The following PARP12 variants were observed in gnomAD, a reference collection of about 807,000 sequenced individuals.
PARP12 encodes the protein protein mono-ADP-ribosyltransferase PARP12.
Under a neutral mutation model 72.4 loss-of-function variants are expected in PARP12, and 59 were observed. The observed-to-expected ratio is 0.81, with a 90% CI of 0.66 to 1.01. The LOEUF (loss-of-function observed/expected upper bound fraction) is 1.01, where lower values mean the gene tolerates loss of function less well. Ranked by LOEUF, PARP12 falls within the 50% of genes least tolerant of loss-of-function variation. The pLI is 0.00. For missense variants in PARP12, 851 were observed against 914.0 expected, an observed-to-expected ratio of 0.93 and a Z score of 0.89; for synonymous variants, 403 against 371.4, an observed-to-expected ratio of 1.09 and a Z score of -0.98.
intron 2 of PARP12, 32 bp downstream of exon 2, chr7:140,057,867 G>A (rs772541733): frequency 5.6e-5 from 90 of 1,613,002 alleles, no homozygotes; most frequent in Non-Finnish European, 7.4e-5. Context: ...TCCCCAGGGA[G>A]CTGTGGAACC....
rs138130201 is a variant in PARP12, at chr7:140,027,981, T to C, written c.1498-575A>G. On this transcript the variant is annotated intron_variant, in intron 9 of 11. Transcript: ENST00000263549. Reference sequence around the variant, plus strand: ...CTTGCCTGCACTGTTGGCATCTGCATGTGCCTTATACAAGCTCAATAAGTC... The same window carrying C: ...CTTGCCTGCACTGTTGGCATCTGCACGTGCCTTATACAAGCTCAATAAGTC... Among the ~76,000 whole-genome samples, 1,444 of 152,328 alleles carry C rather than the reference T, an allele frequency of 9.5e-3. 10 individuals carry two copies. Among genetic ancestry groups the C allele is most frequent in the Non-Finnish European group, 0.015 (1,012 of 68,028 alleles).
At position 140,024,179 on chromosome 7, in the gene PARP12, GC is replaced by G; in HGVS notation, c.*380del. ...TGTGTCATTCTGGAAAAACTATGAT[GC>G]CATGAGACTCTGAGAAACCGAATCA... is the stretch of plus-strand genomic sequence containing the variant. On this transcript the variant is annotated 3_prime_UTR_variant, in exon 12 of 12. Transcript: ENST00000263549. 3.2e-6 allele frequency: 1 copy of G among 313,722 alleles called. No individual in the cohort carries two copies. The highest frequency in any genetic ancestry group is 6.2e-6 in the Non-Finnish European group (1 of 161,218). 19.4% of individuals were successfully genotyped at this position (313,722 alleles called of 1,614,324 possible).
At chr7:140,026,067 G>A (rs1815726741) in intron 11 of PARP12, 130 bp downstream of exon 11, 2 of 1,354,062 alleles carry the variant, frequency 1.5e-6, no homozygotes, top group South Asian at 1.2e-5. Context: ...GCTGTGCCCA[G>A]GTACCACCAC....
chr7:140,053,662 A>G (rs1327919193), intron 4 of PARP12, among the ~76,000 whole-genome samples: 2 of 152,162 alleles, frequency 1.3e-5, no homozygotes, highest in African/African-American at 2.4e-5. Context: ...TCCTTGACCT[A>G]TCATTCCATT....
rs576956564 is a variant in PARP12 at position 140,034,245 on chromosome 7, T to C, written c.1411A>G (p.Met471Val). 9.4e-5 allele frequency: 151 copies of C among 1,612,878 alleles called. 1 individual carries two copies. The South Asian group carries it at 1.6e-3, about 17-fold the overall frequency. ...CCCACTGCAACCTACCAGGTTTGCA[T>C]GGTCGTCACATCCTGGGGAGACACG... ...KYVSPQDVTTMQTCNTKFPGP... is the reference protein window; with the variant it reads ...KYVSPQDVTTVQTCNTKFPGP... The change falls in exon 8 of 12, where the codon ATG becomes GTG. Residue 471 changes from methionine (M) to valine (V), a missense_variant. This residue lies in a region of PARP12 where 347 missense variants were observed against 396.1 expected (regional missense o/e 0.88). Transcript: ENST00000263549.
intron 4 of PARP12, 36 bp downstream of exon 4, chr7:140,054,626 C>T: frequency 2.0e-6 from 3 of 1,509,212 alleles, no homozygotes; most frequent in Non-Finnish European, 2.8e-6. Flanking sequence ...AGTTACCCCT[C>T]CCACAAGTGG....
chr7:140,062,861 G>T lies in PARP12; in HGVS notation c.-14C>A. 7.8e-7 allele frequency: 1 copy of T among 1,279,750 alleles called. No individual in the cohort carries two copies. The highest frequency in any genetic ancestry group is 9.8e-7 in the Non-Finnish European group (1 of 1,015,732). The allele number at this position is 1,279,750 out of a possible 1,614,324, so 79.3% of individuals were successfully genotyped here. ...GGCCTGGGCCATGGCCGCTGGGCCTGCTCCCGTCGGACCGCGGGTGGCGCG... is the reference window on the plus strand; with the variant it reads ...GGCCTGGGCCATGGCCGCTGGGCCTTCTCCCGTCGGACCGCGGGTGGCGCG... On this transcript the variant is annotated 5_prime_UTR_variant, in exon 1 of 12. Coordinates refer to ENST00000263549, the MANE Select transcript of PARP12 (RefSeq NM_022750.4).
rs112070294 is a variant in PARP12 at position 140,057,827 on chromosome 7, A to C, written c.462+72T>G. The C allele has an allele frequency of 3.2e-5, 50 of 1,583,432 alleles. 1 individual carries two copies. Among genetic ancestry groups the C allele is most frequent in the African/African-American group, 3.1e-4 (23 of 74,412 alleles). On this transcript the variant is annotated intron_variant, in intron 2 of 11. Transcript: ENST00000263549. ...CCAAGGGCCCACCCATTCCACTCCCAGTCATTACATTTCCCAAGACACAGG... is the reference window on the plus strand; with the variant it reads ...CCAAGGGCCCACCCATTCCACTCCCCGTCATTACATTTCCCAAGACACAGG...
intron 8 of PARP12, chr7:140,028,991 T>C (rs1815840251): frequency 5.5e-6 from 1 of 183,482 alleles, no homozygotes; most frequent in East Asian, 1.7e-4. Context: ...CACACAGCCA[T>C]AAACCTTTAT....
Position 140,062,857 on chromosome 7 carries a change from G to A in PARP12, c.-10C>T, listed in dbSNP as rs979611077. On this transcript the variant is annotated 5_prime_UTR_variant, in exon 1 of 12. Coordinates refer to ENST00000263549, the MANE Select transcript of PARP12 (RefSeq NM_022750.4). ...CGCCGGCCTGGGCCATGGCCGCTGG[G>A]CCTGCTCCCGTCGGACCGCGGGTGG... is the stretch of plus-strand genomic sequence containing the variant. The A allele has an allele frequency of 2.3e-6, 3 of 1,295,744 alleles. No homozygotes were observed. The highest frequency in any genetic ancestry group is 3.1e-5 in the African/African-American group (2 of 64,146). The allele number at this position is 1,295,744 out of a possible 1,614,324, so 80.3% of individuals were successfully genotyped here.
At chr7:140,026,169 T>C (rs1012042936) in intron 11 of PARP12, 28 bp downstream of exon 11, 3 of 1,614,142 alleles carry the variant, frequency 1.9e-6, no homozygotes, top group African/African-American at 1.3e-5. Flanking sequence ...AACATGGGTT[T>C]TGCTGGTGGA....
intron 6 of PARP12, among the ~76,000 whole-genome samples, chr7:140,039,023 G>A (rs1298310763): frequency 1.3e-5 from 2 of 152,210 alleles, no homozygotes; most frequent in Non-Finnish European, 2.9e-5. Flanking sequence ...CCTGAGCCAA[G>A]GCCCAAGCCC....
chr7:140,058,095 G>A (rs1416285453), intron 1 of PARP12, 61 bp from the exon 2 acceptor site: 3 of 1,582,786 alleles, frequency 1.9e-6, no homozygotes, highest in African/African-American at 2.7e-5. Context: ...TTTCTATGTT[G>A]GAGTCCTAAC....
chr7:140,059,402 C>CTTTT (rs1554389003), intron 1 of PARP12, among the ~76,000 whole-genome samples: 1 of 147,270 alleles, frequency 6.8e-6, no homozygotes, highest in Non-Finnish European at 1.5e-5. Flanking sequence ...CTGAACCTAG[C>CTTTT]TTTTTTTTTT....
chr7:140,057,946 C>G lies in PARP12; in HGVS notation c.415G>C (p.Glu139Gln), dbSNP rs756245612. The G allele has an allele frequency of 5.6e-6, 9 of 1,614,130 alleles. No individual in the cohort carries two copies. The South Asian group carries it at 6.6e-5, about 12-fold the overall frequency. Residue 139 changes from glutamate (E) to glutamine (Q), a missense_variant, in exon 2 of 12, where the codon GAG (glutamate) becomes CAG (glutamine). Transcript: ENST00000263549. ...THGVDHLSYN[E>Q]LCQLLFQNDP... is the part of the protein sequence containing the mutation. Reference sequence around the variant, plus strand: ...TTCTGAAACAAGAGTTGGCATAGCTCATTATAGCTCAGGTGGTCAACGCCA... The same window carrying G: ...TTCTGAAACAAGAGTTGGCATAGCTGATTATAGCTCAGGTGGTCAACGCCA...
chr7:140,027,487 C>A, intron 9 of PARP12, 81 bp from the exon 10 acceptor site: 2 of 1,534,110 alleles, frequency 1.3e-6, no homozygotes, highest in Non-Finnish European at 8.9e-7. Context: ...TTCTTGTAAA[C>A]ACTAGAACCG....
chr7:140,036,624 T>C (rs920679701), intron 7 of PARP12, among the ~76,000 whole-genome samples: 3 of 152,236 alleles, frequency 2.0e-5, no homozygotes, highest in Non-Finnish European at 2.9e-5. Context: ...ATACTCCACA[T>C]AGAATAAACG....
chr7:140,061,452 T>C (rs1422920800), intron 1 of PARP12, among the ~76,000 whole-genome samples: 2 of 151,262 alleles, frequency 1.3e-5, no homozygotes, highest in Non-Finnish European at 2.9e-5. Flanking sequence ...AAGACAAACA[T>C]ACACACACAC....
rs1205802469 is a variant in PARP12 at position 140,026,384 on chromosome 7, T to C, written c.1629-36A>G. On this transcript the variant is annotated intron_variant, in intron 10 of 11. Coordinates refer to ENST00000263549, the MANE Select transcript of PARP12 (RefSeq NM_022750.4). ...AGAAGAATGTGTGCTGGGGGCAGAG[T>C]GTGCCGGCCACCAAATACAGCCGGC... The C allele has an allele frequency of 1.9e-6, 3 of 1,586,244 alleles. No homozygotes were observed. The East Asian group carries it at 6.7e-5, about 36-fold the overall frequency.
Sources: allele counts gnomAD v4.1 joint callset (sites outside exome capture counted in the v4.1 genomes callset), GRCh38; gene constraint gnomAD v4.1.1; regional missense constraint gnomAD v4.1.1; transcripts MANE v1.5; gene names NCBI Gene and HGNC (gene_info 2026-07-23, HGNC 2026-07-21).